The following RAPGEF5 variants were observed in gnomAD, a reference collection of about 807,000 sequenced individuals.
The protein encoded by RAPGEF5 is Rap guanine nucleotide exchange factor 5, also known as M-Ras-regulated GEF.
In RAPGEF5, 65 loss-of-function variants were observed where a neutral mutation model predicts 125.2. The ratio of observed to expected loss-of-function variants is 0.52; its 90% CI spans 0.43 to 0.64. The LOEUF is 0.64. RAPGEF5 is among the 30% of genes least tolerant of loss of function. RAPGEF5 has a pLI of 0.00. For missense variants in RAPGEF5, 958 were observed against 1,048.1 expected (o/e 0.91, Z 1.19); for synonymous variants, 391 against 385.9 (o/e 1.01, Z -0.16).
At chr7:22,308,897 A>C (rs1228558916) in intron 4 of RAPGEF5, among the ~76,000 whole-genome samples, 1 of 152,220 alleles carries the variant, frequency 6.6e-6, no homozygotes, top group Non-Finnish European at 1.5e-5. Context: ...ATGATTCTCA[A>C]CTTAGGGTGA....
At chr7:22,230,000 A>G (rs1320106072) in intron 8 of RAPGEF5, among the ~76,000 whole-genome samples, 1 of 152,236 alleles carries the variant, frequency 6.6e-6, no homozygotes, top group Non-Finnish European at 1.5e-5. Flanking sequence ...TATCCTTTTG[A>G]GAAATAAAAT....
chr7:22,290,744 C>CAAAAAAAA (rs398003971), intron 6 of RAPGEF5, among the ~76,000 whole-genome samples: 1 of 86,192 alleles, frequency 1.2e-5, no homozygotes, highest in Non-Finnish European at 2.5e-5. Flanking sequence ...GACTCCGTCT[C>CAAAAAAAA]AAAAAAAAAA....
Position 22,357,069 on chromosome 7 carries a change from G to A in RAPGEF5, c.-9C>T. ...CCCACGGCCATCCTCATGCCCTGAC[G>A]GCGCTGCGGCGCCGGGGGCTCCTCT... On this transcript the variant is annotated 5_prime_UTR_variant, in exon 1 of 26. Coordinates refer to ENST00000665637, the MANE Select transcript of RAPGEF5 (RefSeq NM_012294.5). 1 of 1,035,404 alleles carries A rather than the reference G, an allele frequency of 9.7e-7. No individual in the cohort carries two copies. The highest frequency in any genetic ancestry group is 4.6e-4 in the Middle Eastern group (1 of 2,160). The allele number at this position is 1,035,404 out of a possible 1,614,324, so 64.1% of individuals were successfully genotyped here.
rs1050981599 is a variant in RAPGEF5 at position 22,350,918 on chromosome 7, A to G, written c.231+5912T>C. ...TCAGCAAGCAGAGGCAGTGAAGTCA[A>G]TATTTCTCAAATAAGTTCACTATGT... On this transcript the variant is annotated intron_variant, in intron 1 of 25. Coordinates refer to ENST00000665637, the MANE Select transcript of RAPGEF5 (RefSeq NM_012294.5). 1.4e-4 allele frequency among the ~76,000 whole-genome samples: 21 copies of G among 152,310 alleles called. 1 individual carries two copies. The highest frequency in any genetic ancestry group is 3.4e-3 in the Middle Eastern group (1 of 294).
At chr7:22,266,172 G>C (rs1782277916) in intron 7 of RAPGEF5, among the ~76,000 whole-genome samples, 2 of 152,094 alleles carry the variant, frequency 1.3e-5, no homozygotes, top group Admixed American at 6.5e-5. Context: ...ATTTCTTCAA[G>C]TTTGGTCATC....
intron 23 of RAPGEF5, among the ~76,000 whole-genome samples, chr7:22,134,500 G>C (rs1230564076): frequency 6.6e-6 from 1 of 152,050 alleles, no homozygotes; most frequent in Non-Finnish European, 1.5e-5. Flanking sequence ...TGAGACACTT[G>C]ACTGCATTAA....
intron 13 of RAPGEF5, among the ~76,000 whole-genome samples, chr7:22,161,919 T>A (rs1208850545): frequency 6.6e-6 from 1 of 152,228 alleles, no homozygotes; most frequent in African/African-American, 2.4e-5. Context: ...TATTGAAGCC[T>A]ATTAATTAGA....
At chr7:22,297,479 G>A (rs1783088966) in intron 5 of RAPGEF5, among the ~76,000 whole-genome samples, 2 of 152,166 alleles carry the variant, frequency 1.3e-5, no homozygotes, top group African/African-American at 2.4e-5. Context: ...CTAGGAGACT[G>A]AATATACCAA....
At chr7:22,146,775 C>T (rs1055754857) in intron 19 of RAPGEF5, 122 bp downstream of exon 19, 4 of 1,222,694 alleles carry the variant, frequency 3.3e-6, no homozygotes, top group Non-Finnish European at 4.4e-6. Context: ...ATTTCAAGTC[C>T]CCAAATATCT....
At chr7:22,354,914 T>C (rs1281606379) in intron 1 of RAPGEF5, among the ~76,000 whole-genome samples, 3 of 152,258 alleles carry the variant, frequency 2.0e-5, no homozygotes, top group Non-Finnish European at 2.9e-5. Flanking sequence ...CAGCCTGAGC[T>C]GCCTAAGACA....
chr7:22,169,567 G>T (rs1377000021), intron 11 of RAPGEF5, among the ~76,000 whole-genome samples: 2 of 151,816 alleles, frequency 1.3e-5, no homozygotes, highest in Middle Eastern at 3.2e-3. Context: ...AAATTAAGCT[G>T]AATCTGGCCA....
chr7:22,234,352 T>C (rs970230083), intron 7 of RAPGEF5, among the ~76,000 whole-genome samples: 2 of 152,156 alleles, frequency 1.3e-5, no homozygotes, highest in African/African-American at 2.4e-5. Flanking sequence ...TAAGAGTTGG[T>C]TGGGGAAAAT....
intron 7 of RAPGEF5, among the ~76,000 whole-genome samples, chr7:22,261,239 G>A (rs1200094449): frequency 6.6e-6 from 1 of 151,690 alleles, no homozygotes; most frequent in Non-Finnish European, 1.5e-5. Context: ...TATTTACAAT[G>A]GAAAAAAAAC....
intron 9 of RAPGEF5, among the ~76,000 whole-genome samples, chr7:22,205,210 T>C (rs1414335569): frequency 6.6e-6 from 1 of 152,216 alleles, no homozygotes; most frequent in Non-Finnish European, 1.5e-5. Flanking sequence ...GCATCCACTC[T>C]TTACCAGGGA....
intron 12 of RAPGEF5, among the ~76,000 whole-genome samples, chr7:22,164,916 T>C (rs1388416568): frequency 1.3e-5 from 2 of 152,174 alleles, no homozygotes; most frequent in Admixed American, 1.3e-4. Context: ...ATAAATAATG[T>C]TTTAAAACCA....
chr7:22,186,166 C>T (rs955858344), intron 11 of RAPGEF5, among the ~76,000 whole-genome samples: 9 of 152,156 alleles, frequency 5.9e-5, no homozygotes, highest in African/African-American at 2.2e-4. Flanking sequence ...CAGTTACTTG[C>T]CTTGGATAAA....
intron 18 of RAPGEF5, among the ~76,000 whole-genome samples, chr7:22,150,129 G>T (rs1430259451): frequency 7.1e-6 from 1 of 139,904 alleles, no homozygotes; most frequent in Admixed American, 7.5e-5. Flanking sequence ...ACCTGGGCTG[G>T]AGTGCAATGA....
At chr7:22,239,695 GT>G (rs1307636849) in intron 7 of RAPGEF5, among the ~76,000 whole-genome samples, 4 of 151,670 alleles carry the variant, frequency 2.6e-5, no homozygotes, top group Admixed American at 2.6e-4. Context: ...TTTTTACAGT[GT>G]TTTCTTTTGA....
chr7:22,149,616 CTCTTTA>C (rs1206804664), intron 18 of RAPGEF5, among the ~76,000 whole-genome samples: 1 of 152,194 alleles, frequency 6.6e-6, no homozygotes, highest in African/African-American at 2.4e-5. Flanking sequence ...TTTCTCCAGA[CTCTTTA>C]TCTTCAGTGG....
Sources: allele counts gnomAD v4.1 joint callset (sites outside exome capture counted in the v4.1 genomes callset), GRCh38; gene constraint gnomAD v4.1.1; transcripts MANE v1.5; gene names NCBI Gene and HGNC (gene_info 2026-07-23, HGNC 2026-07-21).